PCCB: variants seen among roughly 807,000 people sequenced by gnomAD.
PCCB encodes the protein propionyl-CoA carboxylase subunit beta, also known as propionyl-CoA carboxylase beta chain, mitochondrial.
PCCB carries 43 observed loss-of-function variants against 60.7 expected under a neutral mutation model. The ratio of observed to expected loss-of-function variants is 0.71; its 90% CI spans 0.55 to 0.91. The LOEUF (loss-of-function observed/expected upper bound fraction) is 0.91. PCCB is among the 40% of genes least tolerant of loss of function. The probability of loss-of-function intolerance (pLI) is 0.00; values close to 1 mark genes in which losing one functional copy is unlikely to be tolerated. For synonymous variants in PCCB, 276 were observed against 255.9 expected (o/e 1.08, Z -0.75); for missense variants, 766 against 702.8 (o/e 1.09, Z -1.02).
At chr3:136,301,185 G>C (rs1389535012) in intron 9 of PCCB, 74 bp downstream of exon 9, 4 of 1,184,186 alleles carry the variant, frequency 3.4e-6, no homozygotes, top group Non-Finnish European at 5.0e-6. Flanking sequence ...GGCTTAGTGA[G>C]GAAGCACTGG....
chr3:136,268,089 T>TATAG (rs1285737363), intron 5 of PCCB, among the ~76,000 whole-genome samples: 155 of 13,904 alleles, frequency 0.011, no homozygotes, highest in Middle Eastern at 0.033. Context: ...TGTGTGTAGA[T>TATAG]ATATATATAT....
chr3:136,262,954 G>GT (rs570598390), intron 5 of PCCB, among the ~76,000 whole-genome samples: 3,033 of 122,866 alleles, frequency 0.025, 106 homozygotes, highest in African/African-American at 0.057. Context: ...TCTGGAGGAG[G>GT]TTTTTTTTTT....
chr3:136,261,751 C>T (rs148445324), intron 4 of PCCB, among the ~76,000 whole-genome samples: 63 of 152,288 alleles, frequency 4.1e-4, no homozygotes, highest in Non-Finnish European at 8.2e-4. Context: ...TGTTTGGGGG[C>T]TTTAATCAGC....
In PCCB at chr3:136,317,029, T is replaced by C. The variant is rs952530284; in HGVS notation, c.1055T>C (p.Val352Ala). 1 of 1,613,944 alleles carries C rather than the reference T, an allele frequency of 6.2e-7. No homozygotes were observed. The highest frequency in any genetic ancestry group is 8.5e-7 in the Non-Finnish European group (1 of 1,179,972). Residue 352 changes from valine to alanine, a missense_variant, in exon 10 of 15, where the codon GTT becomes GCT. Physicochemically the swap from Val to Ala is moderately conservative, Grantham distance 64. Coordinates refer to ENST00000251654, the MANE Select transcript of PCCB (RefSeq NM_000532.5). ...TTTGCAAGAATGAATGGGAGGACTG[T>C]TGGAATTGTTGGCAACCAACCTAAG... Reference protein sequence around the residue: ...VGFARMNGRTVGIVGNQPKVA... With the variant: ...VGFARMNGRTAGIVGNQPKVA...
At chr3:136,260,561 T>G (rs1445540545) in intron 4 of PCCB, 26 bp downstream of exon 4, 1 of 1,568,038 alleles carries the variant, frequency 6.4e-7, no homozygotes, top group South Asian at 1.1e-5. Context: ...TCAAATTCAA[T>G]CCATTGCTTT....
chr3:136,283,177 G>C (rs1022022657), intron 5 of PCCB, among the ~76,000 whole-genome samples: 1 of 152,144 alleles, frequency 6.6e-6, no homozygotes, highest in Non-Finnish European at 1.5e-5. Context: ...TTGGAAGTAG[G>C]GCAAAGAATA....
intron 3 of PCCB, among the ~76,000 whole-genome samples, chr3:136,259,471 A>G (rs1242464327): frequency 1.3e-5 from 2 of 152,222 alleles, no homozygotes; most frequent in African/African-American, 2.4e-5. Context: ...TCTCAAAATG[A>G]TAAGTAAAAT....
intron 5 of PCCB, among the ~76,000 whole-genome samples, chr3:136,269,768 C>T (rs1479145892): frequency 6.6e-6 from 1 of 151,882 alleles, no homozygotes; most frequent in African/African-American, 2.4e-5. Flanking sequence ...TGCCTGTAGT[C>T]CCAGCTACTC....
At position 136,327,643 on chromosome 3, in the gene PCCB, G is replaced by A. The variant is rs1349202366; in HGVS notation, c.1309G>A (p.Gly437Ser). The change falls in exon 13 of 15, where the codon GGT (glycine) becomes AGT (serine). Residue 437 changes from glycine to serine, a missense_variant. Transcript: ENST00000251654. The stretch of plus-strand genomic sequence containing the variant: ...TTTGGATCTGTTTTAGGCCTATGGA[G>A]GTGCCTATGATGTCATGAGCTCTAA... ...VTVITRKAYG[G>S]AYDVMSSKHL... is the part of the protein sequence containing the mutation. 8 of 1,612,922 alleles carry A rather than the reference G, an allele frequency of 5.0e-6. No homozygotes were observed. In the Admixed American group the frequency reaches 8.3e-5, roughly 17 times the overall value.
intron 8 of PCCB, among the ~76,000 whole-genome samples, chr3:136,300,649 C>T (rs1451818385): frequency 6.6e-6 from 1 of 152,190 alleles, no homozygotes; most frequent in Non-Finnish European, 1.5e-5. Context: ...AGTCCTTGTT[C>T]TTTTAATGTT....
At chr3:136,293,901 C>G in intron 7 of PCCB, 37 bp downstream of exon 7, 2 of 1,222,880 alleles carry the variant, frequency 1.6e-6, no homozygotes, top group Non-Finnish European at 2.4e-6. Context: ...TGTTTTCAAA[C>G]ATTGAGAAGA....
At chr3:136,280,858 C>T (rs1194390574) in intron 5 of PCCB, among the ~76,000 whole-genome samples, 2 of 152,116 alleles carry the variant, frequency 1.3e-5, no homozygotes, top group African/African-American at 4.8e-5. Context: ...CTCACTATAT[C>T]GTCCAGGCTG....
intron 10 of PCCB, among the ~76,000 whole-genome samples, chr3:136,326,546 A>G (rs577960663): frequency 2.4e-4 from 36 of 152,334 alleles, no homozygotes; most frequent in African/African-American, 8.4e-4. Flanking sequence ...GCTGTGTCTC[A>G]GCTGGCGGCA....
intron 5 of PCCB, among the ~76,000 whole-genome samples, chr3:136,270,419 C>G (rs1166376092): frequency 3.9e-5 from 6 of 152,144 alleles, no homozygotes; most frequent in Non-Finnish European, 1.5e-5. Flanking sequence ...TCCCTATGCA[C>G]TGGTTATGAA....
intron 5 of PCCB, among the ~76,000 whole-genome samples, chr3:136,278,299 T>C (rs1243399589): frequency 6.6e-6 from 1 of 152,184 alleles, no homozygotes; most frequent in East Asian, 1.9e-4. Flanking sequence ...ACTTACAGTT[T>C]TTCCCTTGTC....
intron 5 of PCCB, among the ~76,000 whole-genome samples, chr3:136,269,113 T>C (rs148392429): frequency 4.8e-4 from 73 of 152,178 alleles, no homozygotes; most frequent in African/African-American, 1.7e-3. Context: ...AAACCCTGTC[T>C]CTACTAAAAA....
chr3:136,265,833 T>G (rs1462243316), intron 5 of PCCB, among the ~76,000 whole-genome samples: 1 of 151,702 alleles, frequency 6.6e-6, no homozygotes, highest in Non-Finnish European at 1.5e-5. Flanking sequence ...TTTTTTTGTT[T>G]TTTTTTTTTT....
chr3:136,328,863 G>A lies in PCCB; in HGVS notation c.1498+6G>A, dbSNP rs748589574. On this transcript the variant is annotated splice_donor_region_variant and intron_variant, in intron 14 of 14. Transcript: ENST00000251654. ...TTTCCCTGCAGCAGTGCGAGGTAGG[G>A]GACTGTGGTGAAGAGGGCAGCTTTG... 25 of 1,606,248 alleles carry A rather than the reference G, an allele frequency of 1.6e-5. No individual in the cohort carries two copies. Among genetic ancestry groups the A allele is most frequent in the Non-Finnish European group, 2.1e-5 (25 of 1,172,890 alleles).
chr3:136,262,930 T>C (rs2108148085), intron 5 of PCCB, among the ~76,000 whole-genome samples: 1 of 150,892 alleles, frequency 6.6e-6, no homozygotes, highest in South Asian at 2.1e-4. Context: ...TCTAGTTGAA[T>C]ACATCTTTAT....
Sources: allele counts gnomAD v4.1 joint callset (sites outside exome capture counted in the v4.1 genomes callset), GRCh38; gene constraint gnomAD v4.1.1; transcripts MANE v1.5; gene names NCBI Gene and HGNC (gene_info 2026-07-23, HGNC 2026-07-21).